Variants in GLCE observed in about 807,000 individuals in gnomAD.
The protein encoded by GLCE is D-glucuronyl C5-epimerase.
A neutral mutation model predicts 47.9 loss-of-function variants in GLCE; 19 were observed. The observed-to-expected ratio is 0.40, with a 90% CI of 0.28 to 0.58. GLCE has a LOEUF of 0.58. Among genes scored for constraint, GLCE ranks in the 20% least tolerant of loss-of-function variants. The probability of loss-of-function intolerance (pLI) is 0.48; values close to 1 mark genes in which losing one functional copy is unlikely to be tolerated. For synonymous variants in GLCE, 245 were observed against 263.4 expected (o/e 0.93, Z 0.68); for missense variants, 556 against 743.3 (o/e 0.75, Z 2.93).
intron 2 of GLCE, among the ~76,000 whole-genome samples, chr15:69,214,440 C>T (rs1291532192): frequency 6.6e-6 from 1 of 152,080 alleles, no homozygotes; most frequent in Non-Finnish European, 1.5e-5. Context: ...CTCCCTTACA[C>T]ACTTGCCCTC....
chr15:69,205,421 C>T (rs1326221547), intron 1 of GLCE, among the ~76,000 whole-genome samples: 1 of 151,938 alleles, frequency 6.6e-6, no homozygotes, highest in African/African-American at 2.4e-5. Context: ...GAGTTGTTTC[C>T]AGTTTTTAGC....
rs775089643 is a variant in GLCE, at chr15:69,255,970, G to C, written c.164G>C (p.Arg55Thr). 1 of 1,614,020 alleles carries C rather than the reference G, an allele frequency of 6.2e-7. No homozygotes were observed. The highest frequency in any genetic ancestry group is 8.5e-7 in the Non-Finnish European group (1 of 1,179,994). ...SGFRVDGFEKRAAASESNNYM... is the reference protein window; with the variant it reads ...SGFRVDGFEKTAAASESNNYM... ...TTCAGAGTGGATGGGTTTGAAAAAA[G>C]AGCAGCAGCATCTGAGAGTAACAAC... The change falls in exon 3 of 5, where the codon AGA (arginine) becomes ACA (threonine). Residue 55 changes from arginine (R) to threonine (T), a missense_variant. Arg to Thr is a moderately conservative substitution (Grantham distance 71). Coordinates refer to ENST00000261858, the MANE Select transcript of GLCE (RefSeq NM_015554.3).
intron 1 of GLCE, among the ~76,000 whole-genome samples, chr15:69,189,965 C>T (rs994290443): frequency 3.3e-5 from 5 of 152,032 alleles, no homozygotes; most frequent in African/African-American, 7.2e-5. Context: ...TGATCCTCTC[C>T]CTCATCCCAC....
chr15:69,209,990 A>G (rs2052208323), intron 1 of GLCE, among the ~76,000 whole-genome samples: 1 of 152,050 alleles, frequency 6.6e-6, no homozygotes, highest in South Asian at 2.1e-4. Context: ...GGATTTGCAC[A>G]CTTCCTTGTG....
intron 1 of GLCE, among the ~76,000 whole-genome samples, chr15:69,165,662 C>T (rs1413908170): frequency 6.6e-6 from 1 of 151,766 alleles, no homozygotes; most frequent in African/African-American, 2.4e-5. Flanking sequence ...CTTGTGTTTA[C>T]TAATGTGTTG....
intron 2 of GLCE, among the ~76,000 whole-genome samples, chr15:69,249,239 G>A (rs1277274810): frequency 3.9e-5 from 6 of 152,116 alleles, no homozygotes; most frequent in African/African-American, 1.4e-4. Flanking sequence ...TTGGGAGCAT[G>A]CTTAACTGTC....
At chr15:69,180,221 A>G (rs2051731934) in intron 1 of GLCE, among the ~76,000 whole-genome samples, 1 of 152,172 alleles carries the variant, frequency 6.6e-6, no homozygotes, top group Admixed American at 6.5e-5. Flanking sequence ...TAGTCTTAAT[A>G]CTGTGGATAA....
At chr15:69,252,062 C>A (rs959508144) in intron 2 of GLCE, among the ~76,000 whole-genome samples, 3 of 152,214 alleles carry the variant, frequency 2.0e-5, no homozygotes, top group Admixed American at 2.0e-4. Flanking sequence ...CCTGGAATTA[C>A]TCATTTCTTT....
At chr15:69,200,087 C>G (rs980298984) in intron 1 of GLCE, among the ~76,000 whole-genome samples, 2 of 152,052 alleles carry the variant, frequency 1.3e-5, no homozygotes, top group Non-Finnish European at 2.9e-5. Flanking sequence ...TGTGAGATAG[C>G]CTGTGACAAA....
At chr15:69,220,175 A>G (rs1348130661) in intron 2 of GLCE, among the ~76,000 whole-genome samples, 6 of 152,106 alleles carry the variant, frequency 3.9e-5, no homozygotes, top group Non-Finnish European at 7.4e-5. Flanking sequence ...TGCTGCTGTG[A>G]ACACAGGTGT....
At chr15:69,255,710 A>T in intron 2 of GLCE, 84 bp from the exon 3 acceptor site, 1 of 812,164 alleles carries the variant, frequency 1.2e-6, no homozygotes, top group South Asian at 2.1e-5. Context: ...TCAACATTAA[A>T]AAAAAAAAAA....
At chr15:69,196,652 A>G (rs28470933) in intron 1 of GLCE, 6,126 of 161,268 alleles carry the variant, frequency 0.038, 403 homozygotes, top group African/African-American at 0.14. Context: ...ATTGAGAGCA[A>G]TCATCGAAGC....
intron 1 of GLCE, among the ~76,000 whole-genome samples, chr15:69,179,034 A>G (rs1363149422): frequency 6.6e-6 from 1 of 152,252 alleles, no homozygotes; most frequent in African/African-American, 2.4e-5. Flanking sequence ...ATATTGCTGT[A>G]AATAAGTTGT....
At chr15:69,179,151 C>T (rs1406973770) in intron 1 of GLCE, among the ~76,000 whole-genome samples, 2 of 152,110 alleles carry the variant, frequency 1.3e-5, no homozygotes, top group Admixed American at 1.3e-4. Context: ...GGAATAGTTC[C>T]TTCTGAAGAG....
Position 69,269,129 on chromosome 15 carries a change from C to G in GLCE, c.1739C>G (p.Thr580Ser). ...APNLARWDYH[T>S]THINQLQLLS... is the part of the protein sequence containing the mutation. ...AACCTGGCTCGCTGGGACTATCATACCACCCACATCAATCAGTTGCAGCTA... is the reference window on the plus strand; with the variant it reads ...AACCTGGCTCGCTGGGACTATCATAGCACCCACATCAATCAGTTGCAGCTA... Residue 580 changes from threonine to serine, a missense_variant, in exon 5 of 5, where the codon ACC (threonine) becomes AGC (serine). Physicochemically the swap from Thr to Ser is moderately conservative, Grantham distance 58. Transcript: ENST00000261858. The G allele has an allele frequency of 6.2e-7, 1 of 1,613,962 alleles. No homozygotes were observed. The highest frequency in any genetic ancestry group is 1.7e-5 in the Admixed American group (1 of 60,012).
At chr15:69,165,318 T>C (rs916523557) in intron 1 of GLCE, among the ~76,000 whole-genome samples, 9 of 152,160 alleles carry the variant, frequency 5.9e-5, no homozygotes, top group African/African-American at 2.2e-4. Context: ...ACTAATCTTA[T>C]GCATTTCCCC....
At chr15:69,255,632 T>G (rs1365770525) in intron 2 of GLCE, among the ~76,000 whole-genome samples, 162 bp from the exon 3 acceptor site, 2 of 152,000 alleles carry the variant, frequency 1.3e-5, no homozygotes, top group Non-Finnish European at 2.9e-5. Flanking sequence ...ACCTCTTACC[T>G]TTTTTTGTGC....
intron 2 of GLCE, 42 bp from the exon 3 acceptor site, chr15:69,255,752 T>C (rs918395969): frequency 4.5e-6 from 5 of 1,105,312 alleles, no homozygotes; most frequent in Non-Finnish European, 6.7e-6. Context: ...GAAATGCCGG[T>C]AGTACATCTT....
At chr15:69,223,319 C>A (rs1942978126) in intron 2 of GLCE, among the ~76,000 whole-genome samples, 1 of 152,066 alleles carries the variant, frequency 6.6e-6, no homozygotes, top group Non-Finnish European at 1.5e-5. Flanking sequence ...GACACTTTTG[C>A]CGGATATAGG....
Sources: allele counts gnomAD v4.1 joint callset (sites outside exome capture counted in the v4.1 genomes callset), GRCh38; gene constraint gnomAD v4.1.1; transcripts MANE v1.5; gene names NCBI Gene and HGNC (gene_info 2026-07-23, HGNC 2026-07-21).